DENND2D: variants seen among roughly 807,000 people sequenced by gnomAD.
DENND2D encodes the protein DENN domain containing 2D.
In DENND2D, 37 loss-of-function variants were observed where a neutral mutation model predicts 59.8. The ratio of observed to expected loss-of-function variants is 0.62; its 90% CI spans 0.48 to 0.81. The LOEUF is 0.81. DENND2D is among the 40% of genes least tolerant of loss of function. The pLI is 0.00. For missense variants in DENND2D, 525 were observed against 579.7 expected (o/e 0.91, Z 0.97); for synonymous variants, 219 against 211.3 (o/e 1.04, Z -0.31).
chr1:111,198,176 AG>A (rs1194301460), intron 3 of DENND2D, among the ~76,000 whole-genome samples, 187 bp from the exon 4 acceptor site: 3 of 152,242 alleles, frequency 2.0e-5, no homozygotes, highest in Non-Finnish European at 2.9e-5. Flanking sequence ...TCTTTGAGGT[AG>A]GTTCAGTAAT....
intron 10 of DENND2D, 70 bp from the exon 11 acceptor site, chr1:111,188,440 A>G (rs1343944105): frequency 1.3e-6 from 2 of 1,580,502 alleles, no homozygotes; most frequent in Admixed American, 3.5e-5. Context: ...ACCTTCAAGA[A>G]TGGCTTTCTT....
rs1657286422 is a variant in DENND2D, at chr1:111,186,976, A to T, written c.*629T>A. On this transcript the variant is annotated 3_prime_UTR_variant, in exon 12 of 12. Transcript: ENST00000357640. ...CCAAGGACTTAGATGCCCTGTGTCC[A>T]GTGCTGCTGCTGCTTTTACCAGTAT... Among the ~76,000 whole-genome samples, 1 of 152,142 alleles carries T rather than the reference A, an allele frequency of 6.6e-6. No homozygotes were observed. Among genetic ancestry groups the T allele is most frequent in the Non-Finnish European group, 1.5e-5 (1 of 68,036 alleles).
Position 111,194,626 on chromosome 1 carries a change from G to A in DENND2D, c.746C>T (p.Ala249Val). The change falls in exon 7 of 12, where the codon GCC becomes GTC. Residue 249 changes from alanine to valine, a missense_variant. Around this residue, in one of 3 missense-constraint regions of DENND2D, gnomAD observed 47 missense variants for 80.9 expected, o/e 0.58. Coordinates refer to ENST00000357640, the MANE Select transcript of DENND2D (RefSeq NM_024901.5). Reference sequence around the variant, plus strand: ...GATTTTTCTCTCCAGCACGGCAGAGGCAAAGATCTGAAGTATCTGTTCAAA... The same window carrying A: ...GATTTTTCTCTCCAGCACGGCAGAGACAAAGATCTGAAGTATCTGTTCAAA... ...LSFEQILQIF[A>V]SAVLERKIIF... 6.2e-7 allele frequency: 1 copy of A among 1,614,062 alleles called. No individual in the cohort carries two copies. Among genetic ancestry groups the A allele is most frequent in the Non-Finnish European group, 8.5e-7 (1 of 1,180,006 alleles).
Position 111,194,707 on chromosome 1 carries a change from G to A in DENND2D, c.665C>T (p.Pro222Leu). 1 of 1,614,020 alleles carries A rather than the reference G, an allele frequency of 6.2e-7. No individual in the cohort carries two copies. Among genetic ancestry groups the A allele is most frequent in the East Asian group, 2.2e-5 (1 of 44,878 alleles). ...CACATGTTCTAGGTGGGAGTCCAGG[G>A]GCCGTGTCAGTGAAATGAACTGTGG... Reference protein sequence around the residue: ...SGTEFISLTRPLDSHLEHVDF... With the variant: ...SGTEFISLTRLLDSHLEHVDF... Residue 222 changes from proline (P) to leucine (L), a missense_variant, in exon 7 of 12, where the codon CCC (proline) becomes CTC (leucine). Physicochemically the swap from Pro to Leu is moderately conservative, Grantham distance 98. Transcript: ENST00000357640.
At chr1:111,190,035 G>T (rs1250613628) in intron 8 of DENND2D, among the ~76,000 whole-genome samples, 1 of 151,892 alleles carries the variant, frequency 6.6e-6, no homozygotes, top group Non-Finnish European at 1.5e-5. Flanking sequence ...GTGGTGGCGG[G>T]CGCCTGTAGT....
chr1:111,192,558 C>G (rs760824291), intron 7 of DENND2D, among the ~76,000 whole-genome samples: 4 of 152,118 alleles, frequency 2.6e-5, no homozygotes, highest in Non-Finnish European at 5.9e-5. Context: ...CTTCTTTTCC[C>G]AGTTAGTCTT....
At chr1:111,192,025 G>A in intron 8 of DENND2D, 115 bp downstream of exon 8, 1 of 1,014,886 alleles carries the variant, frequency 9.9e-7, no homozygotes, top group Non-Finnish European at 1.4e-6. Flanking sequence ...AGAAAGCTCA[G>A]GCTTAAAGAG....
chr1:111,196,138 G>A (rs553474677), intron 5 of DENND2D, 82 bp from the exon 6 acceptor site: 78 of 1,495,604 alleles, frequency 5.2e-5, no homozygotes, highest in African/African-American at 9.8e-5. Flanking sequence ...GCCCCTGAGC[G>A]TCATAATGTT....
chr1:111,202,666 C>G (rs1050250589), upstream of DENND2D, among the ~76,000 whole-genome samples: 5 of 148,568 alleles, frequency 3.4e-5, no homozygotes, highest in African/African-American at 1.3e-4. Context: ...CAACCCAGGA[C>G]CACCACCACA....
At position 111,192,013 on chromosome 1, in the gene DENND2D, T is replaced by A. The variant is rs964703048; in HGVS notation, c.972+127A>T. On this transcript the variant is annotated intron_variant, in intron 8 of 11. Coordinates refer to ENST00000357640, the MANE Select transcript of DENND2D (RefSeq NM_024901.5). ...AACACTGTTATCCCCATTTTAGAGA[T>A]GAGAAAGCTCAGGCTTAAAGAGGTA... 1.7e-5 allele frequency: 15 copies of A among 907,176 alleles called. No individual in the cohort carries two copies. The African/African-American group carries it at 2.3e-4, about 14-fold the overall frequency. The allele number at this position is 907,176 out of a possible 1,614,324, so 56.2% of individuals were successfully genotyped here.
rs1045145097 is a variant in DENND2D at position 111,186,938 on chromosome 1, A to AC, written c.*666dup. Among the ~76,000 whole-genome samples, 2 of 152,108 alleles carry AC rather than the reference A, an allele frequency of 1.3e-5. No individual in the cohort carries two copies. Among genetic ancestry groups the AC allele is most frequent in the Non-Finnish European group, 2.9e-5 (2 of 68,024 alleles). On this transcript the variant is annotated 3_prime_UTR_variant, in exon 12 of 12. Transcript: ENST00000357640. ...CTCCTCCCAGGATTCTGGAAAGCAC[A>AC]CCTGACTCCAAACCAAGGACTTAGA... is the stretch of plus-strand genomic sequence containing the variant.
At chr1:111,188,618 G>A in intron 10 of DENND2D, 84 bp downstream of exon 10, 18 of 1,344,774 alleles carry the variant, frequency 1.3e-5, no homozygotes, top group Non-Finnish European at 1.9e-5. Flanking sequence ...TACTGAATGA[G>A]TTCATTTTAG....
chr1:111,192,129 C>T lies in DENND2D; in HGVS notation c.972+11G>A, dbSNP rs1657832303. 6.4e-7 allele frequency: 1 copy of T among 1,570,712 alleles called. No individual in the cohort carries two copies. The highest frequency in any genetic ancestry group is 1.7e-5 in the Admixed American group (1 of 57,420). ...GGCTCCAAATCATGCACTCTTCTTG[C>T]CACATCATACCTCTTCCATAGGGCT... On this transcript the variant is annotated intron_variant, in intron 8 of 11. Coordinates refer to ENST00000357640, the MANE Select transcript of DENND2D (RefSeq NM_024901.5).
At chr1:111,196,149 C>G (rs1307403251) in intron 5 of DENND2D, 93 bp from the exon 6 acceptor site, 1 of 1,461,648 alleles carries the variant, frequency 6.8e-7, no homozygotes, top group Non-Finnish European at 9.1e-7. Flanking sequence ...TCATAATGTT[C>G]TCATACTGGT....
intron 1 of DENND2D, 86 bp from the exon 2 acceptor site, chr1:111,199,884 C>A (rs938945018): frequency 1.3e-6 from 2 of 1,504,654 alleles, no homozygotes; most frequent in Non-Finnish European, 1.8e-6. Context: ...GACCTCCACA[C>A]CTCAAGGCCG....
upstream of DENND2D, among the ~76,000 whole-genome samples, chr1:111,203,879 G>T (rs1217950977): frequency 6.6e-6 from 1 of 152,176 alleles, no homozygotes; most frequent in Non-Finnish European, 1.5e-5. Flanking sequence ...CAAAGACCAC[G>T]GAGGACTCCC....
chr1:111,204,278 TC>T (rs1247081594), upstream of DENND2D: 2 of 1,465,596 alleles, frequency 1.4e-6, no homozygotes, highest in Admixed American at 2.4e-5. Flanking sequence ...CCCCGCGCTC[TC>T]CCCGGCCGGC....
At chr1:111,204,429 G>T (rs1424432199), upstream of DENND2D, 4 of 1,301,536 alleles carry the variant, frequency 3.1e-6, no homozygotes, top group African/African-American at 4.7e-5. Flanking sequence ...CCGCGGGTCC[G>T]ACACTTTCAC....
chr1:111,188,242 A>G lies in DENND2D; in HGVS notation c.1228T>C (p.Cys410Arg). The change falls in exon 11 of 12, where the codon TGT becomes CGT. Residue 410 changes from cysteine to arginine, a missense_variant. Cys to Arg is a radical substitution (Grantham distance 180). Coordinates refer to ENST00000357640, the MANE Select transcript of DENND2D (RefSeq NM_024901.5). ...TTGGTCTTGGAGGTCAGAGCCTTAC[A>G]GAAGGATCTTTCTTGGAAGTGGCCT... is the stretch of plus-strand genomic sequence containing the variant. ...GQGHFQERSF[C>R]KALTSKTNRR... 1.2e-6 allele frequency: 2 copies of G among 1,614,218 alleles called. No individual in the cohort carries two copies. Among genetic ancestry groups the G allele is most frequent in the Non-Finnish European group, 1.7e-6 (2 of 1,180,026 alleles).
Sources: gnomAD v4.1 joint callset for allele counts (sites outside exome capture counted in the v4.1 genomes callset) on GRCh38, gnomAD v4.1.1 for gene constraint, gnomAD v4.1.1 regional missense constraint, MANE v1.5 for transcripts, NCBI Gene and HGNC (gene_info 2026-07-23, HGNC 2026-07-21) for gene names.